Variants in MRE11 observed in about 807,000 individuals in gnomAD.
MRE11 encodes double-strand break repair protein MRE11.
In MRE11, 62 loss-of-function variants were observed where a neutral mutation model predicts 91.7. That is an observed-to-expected ratio of 0.68 (90% CI 0.55 to 0.84). The LOEUF (loss-of-function observed/expected upper bound fraction) is 0.84, where lower values mean the gene tolerates loss of function less well. MRE11 is among the 40% of genes least tolerant of loss of function. The pLI is 0.00. For synonymous variants in MRE11, 273 were observed against 271.4 expected (o/e 1.01, Z -0.06); for missense variants, 796 against 852.9 (o/e 0.93, Z 0.83).
intron 14 of MRE11, among the ~76,000 whole-genome samples, chr11:94,448,716 T>A (rs1946014185): frequency 6.6e-6 from 1 of 152,140 alleles, no homozygotes; most frequent in Admixed American, 6.6e-5. Context: ...CCACGCATTT[T>A]TAATTTGGTA....
At chr11:94,501,887 TTAAAAA>T in the MRE11 span, among the ~76,000 whole-genome samples, 2 of 152,204 alleles carry the variant, frequency 1.3e-5, no homozygotes, top group African/African-American at 4.8e-5. Context: ...CTTTAATACT[TTAAAAA>T]TAAATATCAA....
At chr11:94,428,851 G>A (rs187972706) in intron 19 of MRE11, among the ~76,000 whole-genome samples, 10 of 151,036 alleles carry the variant, frequency 6.6e-5, no homozygotes, top group Middle Eastern at 3.4e-3. Context: ...CAACAAGAGC[G>A]AAACTCCATG....
At chr11:94,493,543 G>C (rs1325757004) in intron 1 of MRE11, 1 of 152,064 alleles carries the variant, frequency 6.6e-6, no homozygotes, top group Admixed American at 6.5e-5. Flanking sequence ...CCTCACCGCA[G>C]GGAACCTCGG....
chr11:94,478,293 TGCTCTTTCACTTGCA>T (rs1946923744), intron 6 of MRE11, among the ~76,000 whole-genome samples: 1 of 152,236 alleles, frequency 6.6e-6, no homozygotes, highest in Admixed American at 6.5e-5. Flanking sequence ...TTTCACTTCC[TGCTCTTTCACTTGCA>T]GAATCAGATA....
intron 19 of MRE11, among the ~76,000 whole-genome samples, chr11:94,429,049 A>T (rs1250766031): frequency 8.5e-5 from 13 of 152,176 alleles, no homozygotes. Context: ...GAACAGGCAC[A>T]TTACAAAGAA....
the MRE11 span, among the ~76,000 whole-genome samples, chr11:94,504,950 C>G: frequency 6.6e-6 from 1 of 152,076 alleles, no homozygotes; most frequent in African/African-American, 2.4e-5. Context: ...CCTATACTGA[C>G]AGTGATCTCA....
In MRE11 at chr11:94,464,105, T is replaced by A. The variant is rs748847974; in HGVS notation, c.1225+8A>T. ...CATTTTTTTACCTCATAAAAATAAC[T>A]AGCTTACCTGTTTTTTCCTTTTGTT... is the stretch of plus-strand genomic sequence containing the variant. On this transcript the variant is annotated splice_region_variant and intron_variant, in intron 11 of 19. Transcript: ENST00000323929. The A allele has an allele frequency of 6.8e-6, 11 of 1,612,338 alleles. No individual in the cohort carries two copies. The Admixed American group carries it at 1.3e-4, about 20-fold the overall frequency.
intron 2 of MRE11, 93 bp from the exon 3 acceptor site, chr11:94,491,058 C>A (rs1207132263): frequency 1.3e-5 from 11 of 822,906 alleles, no homozygotes; most frequent in Non-Finnish European, 1.7e-5. Context: ...TAAATAATAA[C>A]AGTTATAGAG....
At chr11:94,488,438 C>T (rs1322904165) in intron 3 of MRE11, among the ~76,000 whole-genome samples, 2 of 152,182 alleles carry the variant, frequency 1.3e-5, no homozygotes, top group Non-Finnish European at 2.9e-5. Flanking sequence ...TTTGACCCAG[C>T]AATTCCATTA....
intron 4 of MRE11, chr11:94,483,888 G>A (rs1947072933): frequency 1.3e-5 from 2 of 151,960 alleles, no homozygotes; most frequent in Non-Finnish European, 2.9e-5. Flanking sequence ...ATAAACATGA[G>A]TATGTCTATT....
chr11:94,477,347 C>T (rs961814978), intron 6 of MRE11, among the ~76,000 whole-genome samples: 1 of 152,072 alleles, frequency 6.6e-6, no homozygotes, highest in Non-Finnish European at 1.5e-5. Flanking sequence ...TTCTCATACT[C>T]CACAGGTTCA....
At chr11:94,447,848 A>G (rs1249045886) in intron 14 of MRE11, among the ~76,000 whole-genome samples, 1 of 151,998 alleles carries the variant, frequency 6.6e-6, no homozygotes, top group African/African-American at 2.4e-5. Flanking sequence ...AAATAAAAAT[A>G]AAAACAAAAA....
intron 7 of MRE11, 102 bp from the exon 8 acceptor site, chr11:94,471,861 T>C: frequency 2.2e-6 from 2 of 917,154 alleles, no homozygotes; most frequent in Non-Finnish European, 3.3e-6. Context: ...AAGATTTTAT[T>C]GCATCCTTCT....
intron 16 of MRE11, among the ~76,000 whole-genome samples, chr11:94,444,713 G>A (rs1945877476): frequency 6.6e-6 from 1 of 152,062 alleles, no homozygotes; most frequent in Admixed American, 6.6e-5. Flanking sequence ...TGTCCTTTTG[G>A]ACATAAATGT....
At chr11:94,499,225 A>G in the MRE11 span, 1 of 152,984 alleles carries the variant, frequency 6.5e-6, no homozygotes, top group Non-Finnish European at 1.5e-5. Flanking sequence ...TCCTTAAGCT[A>G]ATGGCGAATC....
chr11:94,485,731 C>T (rs531974812), intron 4 of MRE11, among the ~76,000 whole-genome samples, 193 bp downstream of exon 4: 3 of 151,590 alleles, frequency 2.0e-5, no homozygotes, highest in South Asian at 4.2e-4. Context: ...CTCAGCTTCC[C>T]GAGTAGCTGG....
At chr11:94,475,274 T>C (rs1269300249) in intron 7 of MRE11, 1 of 170,942 alleles carries the variant, frequency 5.8e-6, no homozygotes, top group Non-Finnish European at 1.3e-5. Context: ...TTAAACAGTA[T>C]TTACATTGTA....
chr11:94,440,197 A>G (rs1311351533), intron 16 of MRE11, among the ~76,000 whole-genome samples: 2 of 152,224 alleles, frequency 1.3e-5, no homozygotes, highest in East Asian at 1.9e-4. Context: ...GTTTATTTAC[A>G]TAGCCTCTTT....
Position 94,479,680 on chromosome 11 carries a change from G to A in MRE11, c.396C>T (p.Pro132=), listed in dbSNP as rs2135090624. Residue 132 remains proline (P), a synonymous_variant, in exon 5 of 20, where the codon CCC becomes CCT. Transcript: ENST00000323929. The part of the protein sequence containing the change: ...VFSIHGNHDD[P]TGADALCALD... ...CTAAGAAAACAATAATTACCCCTGT[G>A]GGATCGTCATGATTGCCATGAATAC... 6.2e-7 allele frequency: 1 copy of A among 1,611,422 alleles called. No individual in the cohort carries two copies. The highest frequency in any genetic ancestry group is 8.5e-7 in the Non-Finnish European group (1 of 1,178,388).
Sources: gnomAD v4.1 joint callset for allele counts (sites outside exome capture counted in the v4.1 genomes callset) on GRCh38, gnomAD v4.1.1 for gene constraint, MANE v1.5 for transcripts, NCBI Gene and HGNC (gene_info 2026-07-23, HGNC 2026-07-21) for gene names.